The following WTIP variants were observed in gnomAD, a reference collection of about 807,000 sequenced individuals.
WTIP encodes Wilms tumor protein 1-interacting protein.
In WTIP, 23 loss-of-function variants were observed where a neutral mutation model predicts 41.7. The observed-to-expected ratio is 0.55, with a 90% CI of 0.40 to 0.78. The LOEUF (loss-of-function observed/expected upper bound fraction) is 0.78. WTIP is among the 30% of genes least tolerant of loss of function. The pLI, the probability that WTIP is intolerant of heterozygous loss-of-function variation, is 0.00. For synonymous variants in WTIP, 314 were observed against 269.9 expected (o/e 1.16, Z -1.60); for missense variants, 619 against 610.5 (o/e 1.01, Z -0.15).
At position 34,501,959 on chromosome 19, in the gene WTIP, CT is replaced by C. The variant is rs562675000; in HGVS notation, c.*1703del. ...GCTGAGCTGCTTTTTCTTTTCTTTT[CT>C]TTTTTTTTTTTTGAGACGGAGTGTC... On this transcript the variant is annotated 3_prime_UTR_variant, in exon 8 of 8. Transcript: ENST00000590071. The C allele has an allele frequency of 0.023, 2,692 of 115,538 alleles. 63 individuals carry two copies. Among genetic ancestry groups the C allele is most frequent in the African/African-American group, 0.071 (2,350 of 32,990 alleles). The allele number at this position is 115,538 out of a possible 1,614,324, so 7.2% of individuals were successfully genotyped here. A position where few individuals can be genotyped will look rare whatever the true frequency, so the allele number is the denominator to read the frequency against.
At chr19:34,486,702 C>T (rs1007434974) in intron 1 of WTIP, among the ~76,000 whole-genome samples, 9 of 152,014 alleles carry the variant, frequency 5.9e-5, no homozygotes, top group African/African-American at 2.4e-5. Flanking sequence ...TCTCAACAAC[C>T]TTCCTCCCTC....
intron 2 of WTIP, among the ~76,000 whole-genome samples, chr19:34,492,295 C>A (rs1430216256): frequency 6.9e-6 from 1 of 145,362 alleles, no homozygotes; most frequent in African/African-American, 2.5e-5. Context: ...TTTTTTTTTT[C>A]CTAGAGACAG....
At chr19:34,484,350 G>A (rs976265180) in intron 1 of WTIP, among the ~76,000 whole-genome samples, 6 of 152,160 alleles carry the variant, frequency 3.9e-5, no homozygotes, top group African/African-American at 4.8e-5. Context: ...TTCCCCCTGG[G>A]GTTGCAGCCC....
rs2075877883 is a variant in WTIP at position 34,500,276 on chromosome 19, G to GA, written c.*11dup. Reference sequence around the variant, plus strand: ...GCACGTCACTGAGCTCTGAGCAGGGGAAAACCCGTCCCTGGGCCGGGGTGG... The same window carrying GA: ...GCACGTCACTGAGCTCTGAGCAGGGGAAAAACCCGTCCCTGGGCCGGGGTGG... On this transcript the variant is annotated 3_prime_UTR_variant, in exon 8 of 8. Transcript: ENST00000590071. 6 of 1,601,126 alleles carry GA rather than the reference G, an allele frequency of 3.7e-6. No homozygotes were observed. The African/African-American group carries it at 8.0e-5, about 21-fold the overall frequency.
At chr19:34,497,595 G>C (rs1013160828) in intron 7 of WTIP, among the ~76,000 whole-genome samples, 1 of 152,204 alleles carries the variant, frequency 6.6e-6, no homozygotes, top group African/African-American at 2.4e-5. Flanking sequence ...TGGCCACAAA[G>C]GGAGACTGAG....
chr19:34,488,101 A>C (rs1374590853), intron 1 of WTIP, among the ~76,000 whole-genome samples: 4 of 149,830 alleles, frequency 2.7e-5, no homozygotes, highest in South Asian at 4.3e-4. Flanking sequence ...TTTGAGACGG[A>C]GTCTTACTCT....
At chr19:34,488,231 T>TCGC (rs918826842) in intron 1 of WTIP, among the ~76,000 whole-genome samples, 34 of 152,024 alleles carry the variant, frequency 2.2e-4, no homozygotes, top group African/African-American at 8.2e-4. Context: ...GCCTGCCACC[T>TCGC]CGCCTGGCTA....
chr19:34,497,509 G>A (rs574533722), intron 7 of WTIP, among the ~76,000 whole-genome samples: 1 of 152,278 alleles, frequency 6.6e-6, no homozygotes, highest in South Asian at 2.1e-4. Context: ...GGTCTTCCAG[G>A]ATGAGTTGGA....
rs2145611793 is a variant in WTIP, at chr19:34,500,340, G to A, written c.*71G>A. The A allele has an allele frequency of 1.4e-6, 2 of 1,460,508 alleles. No homozygotes were observed. Among genetic ancestry groups the A allele is most frequent in the African/African-American group, 1.4e-5 (1 of 71,982 alleles). The allele number at this position is 1,460,508 out of a possible 1,614,324, so 90.5% of individuals were successfully genotyped here. On this transcript the variant is annotated 3_prime_UTR_variant, in exon 8 of 8. Transcript: ENST00000590071. ...GGGAGGGCCCGCGTGGGTGGCCCTG[G>A]TCAGCGTCAGGGGAGCTCCCTCCAA... is the stretch of plus-strand genomic sequence containing the variant.
rs2075924779 is a variant in WTIP at position 34,509,262 on chromosome 19, G to T, written c.*8993G>T. ...CTGGGAAGAAAAAGAGGTTTAATTGGATTTACAGTTCCACATGGCTGGGGA... is the reference window on the plus strand; with the variant it reads ...CTGGGAAGAAAAAGAGGTTTAATTGTATTTACAGTTCCACATGGCTGGGGA... On this transcript the variant is annotated 3_prime_UTR_variant, in exon 8 of 8. Transcript: ENST00000590071. 1 of 152,228 alleles carries T rather than the reference G, an allele frequency of 6.6e-6. No individual in the cohort carries two copies. The highest frequency in any genetic ancestry group is 6.5e-5 in the Admixed American group (1 of 15,290). The allele number at this position is 152,228 out of a possible 1,614,324, so 9.4% of individuals were successfully genotyped here.
In WTIP at chr19:34,493,185, A is replaced by G; in HGVS notation, c.838-78A>G. 1.2e-6 allele frequency: 2 copies of G among 1,612,416 alleles called. No homozygotes were observed. The highest frequency in any genetic ancestry group is 2.2e-5 in the South Asian group (2 of 91,044). On this transcript the variant is annotated intron_variant, in intron 3 of 7. Coordinates refer to ENST00000590071, the MANE Select transcript of WTIP (RefSeq NM_001080436.2). The surrounding 1 kb of genome is among the most constrained non-coding windows in gnomAD (Gnocchi z 4.1). The stretch of plus-strand genomic sequence containing the variant: ...TCATTCTGACTCGAGTGGAGACCTG[A>G]GGCCAGGAGGCAGGTGCTAGCTGGG...
rs923785851 is a variant in WTIP, at chr19:34,503,559, C to G, written c.*3290C>G. On this transcript the variant is annotated 3_prime_UTR_variant, in exon 8 of 8. Coordinates refer to ENST00000590071, the MANE Select transcript of WTIP (RefSeq NM_001080436.2). The stretch of plus-strand genomic sequence containing the variant: ...CCCTCCAGCCCTGGATGCCACCCCC[C>G]ACCTGCCCAAGGGGACCCCCACTGA... The G allele has an allele frequency of 1.3e-5, 2 of 152,784 alleles. No individual in the cohort carries two copies. Among genetic ancestry groups the G allele is most frequent in the Non-Finnish European group, 2.9e-5 (2 of 68,506 alleles). 9.5% of individuals were successfully genotyped at this position (152,784 alleles called of 1,614,324 possible).
In WTIP at chr19:34,511,971, T is replaced by C. The variant is rs2075934780; in HGVS notation, c.*11702T>C. The C allele has an allele frequency of 6.6e-6, 1 of 152,238 alleles. No individual in the cohort carries two copies. The highest frequency in any genetic ancestry group is 6.5e-5 in the Admixed American group (1 of 15,276). 9.4% of individuals were successfully genotyped at this position (152,238 alleles called of 1,614,324 possible). ...GTGTTAATTTGGAGCTGACACCCTT[T>C]AATATTGAGTCCTGGCTTTGAGGGT... On this transcript the variant is annotated 3_prime_UTR_variant, in exon 8 of 8. Coordinates refer to ENST00000590071, the MANE Select transcript of WTIP (RefSeq NM_001080436.2).
Position 34,510,675 on chromosome 19 carries a change from C to T in WTIP, c.*10406C>T, listed in dbSNP as rs1485339715. The T allele has an allele frequency of 1.3e-5, 2 of 152,194 alleles. No homozygotes were observed. Among genetic ancestry groups the T allele is most frequent in the Non-Finnish European group, 2.9e-5 (2 of 68,032 alleles). The allele number at this position is 152,194 out of a possible 1,614,324, so 9.4% of individuals were successfully genotyped here. A position where few individuals can be genotyped will look rare whatever the true frequency, so the allele number is the denominator to read the frequency against. On this transcript the variant is annotated 3_prime_UTR_variant, in exon 8 of 8. Coordinates refer to ENST00000590071, the MANE Select transcript of WTIP (RefSeq NM_001080436.2). ...GCTGCAAATTTTCCAATTTTTTATG[C>T]TCTGTTTCCCTTTTAAAATGGAATG... is the stretch of plus-strand genomic sequence containing the variant.
Position 34,482,226 on chromosome 19 carries a change from G to T in WTIP, c.252G>T (p.Gln84His). 8.5e-7 allele frequency: 1 copy of T among 1,169,822 alleles called. No homozygotes were observed. The highest frequency in any genetic ancestry group is 1.1e-6 in the Non-Finnish European group (1 of 951,932). The allele number at this position is 1,169,822 out of a possible 1,614,324, so 72.5% of individuals were successfully genotyped here. Reference protein sequence around the residue: ...RRAAVPELSAQPAGSPRASLA... With the variant: ...RRAAVPELSAHPAGSPRASLA... ...CGGCGGTTCCGGAGCTCAGCGCGCA[G>T]CCTGCGGGCAGCCCACGGGCCAGCC... Residue 84 changes from glutamine (Q) to histidine (H), a missense_variant, in exon 1 of 8, where the codon CAG becomes CAT. Coordinates refer to ENST00000590071, the MANE Select transcript of WTIP (RefSeq NM_001080436.2).
At position 34,482,145 on chromosome 19, in the gene WTIP, C is replaced by A; in HGVS notation, c.171C>A (p.Gly57=). 9.4e-7 allele frequency: 1 copy of A among 1,062,126 alleles called. No individual in the cohort carries two copies. The highest frequency in any genetic ancestry group is 1.1e-6 in the Non-Finnish European group (1 of 881,450). 65.8% of individuals were successfully genotyped at this position (1,062,126 alleles called of 1,614,324 possible). ...TGGGCCGCAGAGGGAAGGGCAGCGGCGGCCCCGAGGCCGGGGCGGACGGAC... is the reference window on the plus strand; with the variant it reads ...TGGGCCGCAGAGGGAAGGGCAGCGGAGGCCCCGAGGCCGGGGCGGACGGAC... ...PALGRRGKGS[G]GPEAGADGLS... The change falls in exon 1 of 8, where the codon GGC becomes GGA. Residue 57 remains glycine (G), a synonymous_variant. Coordinates refer to ENST00000590071, the MANE Select transcript of WTIP (RefSeq NM_001080436.2).
chr19:34,484,063 A>G (rs2145590886), intron 1 of WTIP, among the ~76,000 whole-genome samples: 1 of 151,024 alleles, frequency 6.6e-6, no homozygotes, highest in African/African-American at 2.4e-5. Context: ...AGTAGCTGGG[A>G]TTACAGGCAT....
At chr19:34,499,827 G>A (rs1019560950) in intron 7 of WTIP, among the ~76,000 whole-genome samples, 3 of 151,926 alleles carry the variant, frequency 2.0e-5, no homozygotes, top group Non-Finnish European at 4.4e-5. Flanking sequence ...AGCCTCCCAA[G>A]GAGCTGGGAT....
chr19:34,482,273 G>T lies in WTIP; in HGVS notation c.299G>T (p.Gly100Val). 7.6e-7 allele frequency: 1 copy of T among 1,308,124 alleles called. No individual in the cohort carries two copies. Among genetic ancestry groups the T allele is most frequent in the Non-Finnish European group, 9.8e-7 (1 of 1,021,176 alleles). The allele number at this position is 1,308,124 out of a possible 1,614,324, so 81.0% of individuals were successfully genotyped here. ...RASLAGSDGG[G>V]GGGSARSSGI... ...AGCCTGGCGGGGTCCGACGGCGGCG[G>T]CGGTGGCGGCAGCGCCCGATCCAGC... The change falls in exon 1 of 8, where the codon GGC becomes GTC. Residue 100 changes from glycine to valine, a missense_variant. Transcript: ENST00000590071.
Sources: gnomAD v4.1 joint callset for allele counts (sites outside exome capture counted in the v4.1 genomes callset) on GRCh38, gnomAD v4.1.1 for gene constraint, Gnocchi (gnomAD v3.1) non-coding constraint, MANE v1.5 for transcripts, NCBI Gene and HGNC (gene_info 2026-07-23, HGNC 2026-07-21) for gene names.